The following KIF26B variants were observed in gnomAD, a reference collection of about 807,000 sequenced individuals.
KIF26B encodes kinesin family member 26B, also known as kinesin-like protein KIF26B.
In KIF26B, 63 loss-of-function variants were observed where a neutral mutation model predicts 151.2. The ratio of observed to expected loss-of-function variants is 0.42; its 90% CI spans 0.34 to 0.51. The LOEUF (loss-of-function observed/expected upper bound fraction) is 0.51, where lower values mean the gene tolerates loss of function less well. Among genes scored for constraint, KIF26B ranks in the 20% least tolerant of loss-of-function variants. The pLI is 0.07. For missense variants in KIF26B, 2,813 were observed against 2,913.6 expected, an observed-to-expected ratio of 0.97 and a Z score of 0.79; for synonymous variants, 1,357 against 1,262.1, an observed-to-expected ratio of 1.08 and a Z score of -1.59.
At chr1:245,522,090 C>T (rs373997437) in intron 4 of KIF26B, among the ~76,000 whole-genome samples, 2 of 152,056 alleles carry the variant, frequency 1.3e-5, no homozygotes, top group Non-Finnish European at 2.9e-5. Context: ...AGGATGGTCT[C>T]GATCTCCTGA....
chr1:245,179,877 C>T (rs976291610), intron 2 of KIF26B, among the ~76,000 whole-genome samples: 25 of 152,066 alleles, frequency 1.6e-4, no homozygotes, highest in African/African-American at 4.6e-4. Flanking sequence ...GCTGCAGTTG[C>T]GGGGCAGAGG....
chr1:245,179,996 C>G (rs1339396274), intron 2 of KIF26B, among the ~76,000 whole-genome samples: 2 of 152,178 alleles, frequency 1.3e-5, no homozygotes, highest in African/African-American at 4.8e-5. Context: ...GGGACCCCAC[C>G]CCCTGCATCC....
chr1:245,688,733 C>A lies in KIF26B; in HGVS notation c.5750C>A (p.Ser1917Tyr). The change falls in exon 12 of 15, where the codon TCC becomes TAC. Residue 1917 changes from serine (S) to tyrosine (Y), a missense_variant. By Grantham distance (144) the Ser-to-Tyr change is moderately radical. Transcript: ENST00000407071. ...ATGSASSAQD[S>Y]TSENSSSVGG... ...GGCAGCGCGTCCTCGGCGCAGGACT[C>A]CACGAGCGAGAACAGCAGCTCCGTG... The A allele has an allele frequency of 1.2e-6, 2 of 1,608,360 alleles. No homozygotes were observed. The highest frequency in any genetic ancestry group is 1.7e-6 in the Non-Finnish European group (2 of 1,177,632).
intron 2 of KIF26B, among the ~76,000 whole-genome samples, chr1:245,205,716 T>TTTC (rs1491349323): frequency 0.021 from 17 of 818 alleles, no homozygotes; most frequent in African/African-American, 0.022. Context: ...TTTCTTTTCT[T>TTTC]TTTTTTTTTT....
chr1:245,291,909 A>G (rs532108398), intron 2 of KIF26B, among the ~76,000 whole-genome samples: 1 of 152,244 alleles, frequency 6.6e-6, no homozygotes, highest in African/African-American at 2.4e-5. Flanking sequence ...GAATGGCTTC[A>G]GCTCAGGGGT....
chr1:245,204,102 A>T (rs574659111), intron 2 of KIF26B, among the ~76,000 whole-genome samples: 1 of 152,304 alleles, frequency 6.6e-6, no homozygotes, highest in East Asian at 1.9e-4. Flanking sequence ...GGTTTACTTC[A>T]TATGTCCTTC....
intron 2 of KIF26B, among the ~76,000 whole-genome samples, chr1:245,328,097 A>G (rs4658752): frequency 0.23 from 34,185 of 151,646 alleles, 8,727 homozygotes; most frequent in African/African-American, 0.63. Context: ...GGTGGGCAGG[A>G]GGTCTCCGAA....
At chr1:245,594,100 T>G (rs568047662) in intron 5 of KIF26B, among the ~76,000 whole-genome samples, 2 of 152,342 alleles carry the variant, frequency 1.3e-5, no homozygotes, top group Non-Finnish European at 2.9e-5. Flanking sequence ...TGCAAAAATT[T>G]TCTTCCATTC....
At chr1:245,208,038 T>C (rs565135831) in intron 2 of KIF26B, among the ~76,000 whole-genome samples, 1 of 152,316 alleles carries the variant, frequency 6.6e-6, no homozygotes, top group East Asian at 1.9e-4. Context: ...TTGGTTCCCT[T>C]TTCCAGCAGA....
intron 2 of KIF26B, among the ~76,000 whole-genome samples, chr1:245,182,275 G>A (rs749170434): frequency 4.6e-5 from 7 of 152,116 alleles, no homozygotes; most frequent in Admixed American, 1.3e-4. Flanking sequence ...TCTGCTTTCC[G>A]TCTCTGTAGA....
At chr1:245,262,043 G>T (rs76013652) in intron 2 of KIF26B, among the ~76,000 whole-genome samples, 4,280 of 152,206 alleles carry the variant, frequency 0.028, 74 homozygotes, top group African/African-American at 0.041. Context: ...CAAATATCCT[G>T]TCTGCACTGA....
intron 4 of KIF26B, among the ~76,000 whole-genome samples, chr1:245,438,023 T>C (rs1658976188): frequency 6.6e-6 from 1 of 152,222 alleles, no homozygotes; most frequent in African/African-American, 2.4e-5. Flanking sequence ...TAATTTTACA[T>C]AAATTTTAAA....
At chr1:245,621,292 A>G (rs917646260) in intron 9 of KIF26B, among the ~76,000 whole-genome samples, 1 of 152,150 alleles carries the variant, frequency 6.6e-6, no homozygotes, top group Non-Finnish European at 1.5e-5. Context: ...TTAATTTTCT[A>G]TGAGATCTTG....
At chr1:245,657,122 G>T (rs977839015) in intron 10 of KIF26B, among the ~76,000 whole-genome samples, 2 of 121,956 alleles carry the variant, frequency 1.6e-5, no homozygotes, top group African/African-American at 7.3e-5. Flanking sequence ...ACTCCCTACC[G>T]ATGAGATCAA....
At chr1:245,199,274 A>T (rs1669255105) in intron 2 of KIF26B, among the ~76,000 whole-genome samples, 1 of 152,108 alleles carries the variant, frequency 6.6e-6, no homozygotes, top group Non-Finnish European at 1.5e-5. Context: ...AACAGAGGGC[A>T]AATACACGCA....
At chr1:245,246,976 C>T (rs933291250) in intron 2 of KIF26B, among the ~76,000 whole-genome samples, 1 of 151,740 alleles carries the variant, frequency 6.6e-6, no homozygotes, top group Non-Finnish European at 1.5e-5. Context: ...CACAGACACA[C>T]ACACACACAA....
chr1:245,434,330 G>C (rs985147058), intron 4 of KIF26B, among the ~76,000 whole-genome samples: 6 of 152,320 alleles, frequency 3.9e-5, no homozygotes, highest in Middle Eastern at 3.4e-3. Context: ...AAAATTGAGA[G>C]AGGTAGTGAA....
intron 4 of KIF26B, among the ~76,000 whole-genome samples, chr1:245,486,650 T>C (rs1005204142): frequency 1.3e-5 from 2 of 152,224 alleles, no homozygotes; most frequent in African/African-American, 4.8e-5. Context: ...TATTTCATTA[T>C]TTATTTTACA....
chr1:245,491,015 A>T (rs71636558), intron 4 of KIF26B, among the ~76,000 whole-genome samples: 5,126 of 152,266 alleles, frequency 0.034, 132 homozygotes, highest in Non-Finnish European at 0.05. Context: ...TTCATTTTTT[A>T]ATGGAAAATT....
Sources: gnomAD v4.1 joint callset for allele counts (sites outside exome capture counted in the v4.1 genomes callset) on GRCh38, gnomAD v4.1.1 for gene constraint, MANE v1.5 for transcripts, NCBI Gene and HGNC (gene_info 2026-07-23, HGNC 2026-07-21) for gene names.